Variants in AKR1C3 observed in about 807,000 individuals in gnomAD.
AKR1C3 encodes aldo-keto reductase family 1 member C3.
A neutral mutation model predicts 43.6 loss-of-function variants in AKR1C3; 48 were observed. The observed-to-expected ratio is 1.10, with a 90% CI of 0.87 to 1.40. AKR1C3 has a LOEUF of 1.40. Among genes scored for constraint, AKR1C3 ranks in the 40% most tolerant of loss-of-function variants. The pLI is 0.00. For synonymous variants in AKR1C3, 162 were observed against 139.6 expected, an observed-to-expected ratio of 1.16 and a Z score of -1.13; for missense variants, 482 against 391.2, an observed-to-expected ratio of 1.23 and a Z score of -1.96.
rs1330250578 is a variant in AKR1C3, at chr10:5,102,703, T to TG, written c.846+54dup. On this transcript the variant is annotated intron_variant, in intron 7 of 8. Transcript: ENST00000380554. ...TCTCCTGCACAGTGTCCTTCACACGTGTGCTTCTTGTAAGGCTCTCAGGAC... is the reference window on the plus strand; with the variant it reads ...TCTCCTGCACAGTGTCCTTCACACGTGGTGCTTCTTGTAAGGCTCTCAGGAC... 2.1e-6 allele frequency: 3 copies of TG among 1,452,176 alleles called. No homozygotes were observed. In the African/African-American group the frequency reaches 4.3e-5, roughly 21 times the overall value. The allele number at this position is 1,452,176 out of a possible 1,614,324, so 90.0% of individuals were successfully genotyped here.
rs1838730627 is a variant in AKR1C3 at position 5,077,061 on chromosome 10, C to G, written c.85-19349C>G. ...GAACTTGAATTGTTCATTGAAATCTCTAGCCATTTCCCTGGTTAAACAGGA... is the reference window on the plus strand; with the variant it reads ...GAACTTGAATTGTTCATTGAAATCTGTAGCCATTTCCCTGGTTAAACAGGA... On this transcript the variant is annotated intron_variant, in intron 1 of 8. Coordinates refer to the AKR1C3 transcript ENST00000439082. Among the ~76,000 whole-genome samples, 4 of 152,118 alleles carry G rather than the reference C, an allele frequency of 2.6e-5. No individual in the cohort carries two copies. The South Asian group carries it at 8.3e-4, about 31-fold the overall frequency.
intron 7 of AKR1C3, among the ~76,000 whole-genome samples, chr10:5,104,406 G>C (rs1341847276): frequency 7.2e-6 from 1 of 138,742 alleles, no homozygotes; most frequent in Non-Finnish European, 1.6e-5. Flanking sequence ...TACCATAAAT[G>C]AAACATTCAT....
chr10:5,097,403 C>CA, intron 2 of AKR1C3, 31 bp from the exon 3 acceptor site: 1 of 1,606,996 alleles, frequency 6.2e-7, no homozygotes, highest in South Asian at 1.1e-5. Context: ...AGCATTCATT[C>CA]AAAATCACCT....
chr10:5,101,368 A>T (rs1381978491), intron 5 of AKR1C3, among the ~76,000 whole-genome samples: 4 of 152,122 alleles, frequency 2.6e-5, no homozygotes, highest in African/African-American at 9.7e-5. Context: ...AATCATTTTC[A>T]ATTTTAAAAC....
intron 1 of AKR1C3, among the ~76,000 whole-genome samples, chr10:5,063,940 C>G (rs1367209735): frequency 5.3e-5 from 8 of 151,996 alleles, no homozygotes; most frequent in African/African-American, 1.9e-4. Context: ...AATGTCATTG[C>G]CTCGCCAACT....
chr10:5,049,221 T>C (rs1838101297), intron 1 of AKR1C3, among the ~76,000 whole-genome samples: 1 of 152,296 alleles, frequency 6.6e-6, no homozygotes, highest in South Asian at 2.1e-4. Flanking sequence ...TTGATGGCAA[T>C]AGAAGTGGTT....
At chr10:5,098,763 T>G (rs1334328744) in intron 3 of AKR1C3, 39 bp from the exon 4 acceptor site, 2 of 1,569,642 alleles carry the variant, frequency 1.3e-6, no homozygotes, top group African/African-American at 2.7e-5. Context: ...GTGGAGAAAT[T>G]AATTTGTGAC....
upstream of AKR1C3, among the ~76,000 whole-genome samples, chr10:5,092,396 T>C (rs1839113095): frequency 6.6e-6 from 1 of 151,970 alleles, no homozygotes; most frequent in Non-Finnish European, 1.5e-5. Flanking sequence ...GGCTCCTGCT[T>C]CTCCTTCTCA....
chr10:5,068,093 GATTA>G (rs1196871149), intron 1 of AKR1C3, among the ~76,000 whole-genome samples: 7 of 152,164 alleles, frequency 4.6e-5, no homozygotes, highest in Admixed American at 1.3e-4. Flanking sequence ...CTTGGTATTT[GATTA>G]ATTTTTTTGT....
chr10:5,049,776 C>T (rs1007473517), intron 1 of AKR1C3, among the ~76,000 whole-genome samples: 1 of 152,212 alleles, frequency 6.6e-6, no homozygotes. Context: ...GGAGCTTGCA[C>T]TGTATTCCTT....
At chr10:5,049,688 A>G (rs782731552) in intron 1 of AKR1C3, among the ~76,000 whole-genome samples, 36 of 152,224 alleles carry the variant, frequency 2.4e-4, no homozygotes, top group Non-Finnish European at 4.1e-4. Context: ...GTGATTAGGG[A>G]CTAGATACAT....
intron 4 of AKR1C3, 118 bp downstream of exon 4, chr10:5,098,997 C>T (rs1271893975): frequency 1.1e-6 from 1 of 937,560 alleles, no homozygotes; most frequent in African/African-American, 1.7e-5. Context: ...AGAAACTTTA[C>T]AAGAGTAGCT....
intron 1 of AKR1C3, among the ~76,000 whole-genome samples, chr10:5,051,388 T>G (rs1838151054): frequency 6.6e-6 from 1 of 152,236 alleles, no homozygotes; most frequent in Non-Finnish European, 1.5e-5. Context: ...TGAGCCACTA[T>G]GCCCAGCTGA....
At chr10:5,097,846 T>G in intron 3 of AKR1C3, 1 of 1,160,882 alleles carries the variant, frequency 8.6e-7, no homozygotes, top group Non-Finnish European at 1.1e-6. Context: ...AGTCCATCTC[T>G]TGGGATGTTC....
At chr10:5,102,317 G>A (rs1839376152) in intron 6 of AKR1C3, 107 bp downstream of exon 6, 2 of 1,587,042 alleles carry the variant, frequency 1.3e-6, no homozygotes, top group South Asian at 2.3e-5. Flanking sequence ...CTCATGGAGA[G>A]GAAAGAGAAT....
chr10:5,060,995 C>T (rs1206032203), intron 1 of AKR1C3, among the ~76,000 whole-genome samples: 1 of 152,218 alleles, frequency 6.6e-6, no homozygotes, highest in Admixed American at 6.5e-5. Context: ...AAGCGTGGCG[C>T]ACAGCCCCAG....
chr10:5,092,376 C>T (rs1296530579), upstream of AKR1C3, among the ~76,000 whole-genome samples: 3 of 151,922 alleles, frequency 2.0e-5, no homozygotes, highest in South Asian at 2.1e-4. Flanking sequence ...ATAATCTCTC[C>T]ACCCCCATAG....
upstream of AKR1C3, chr10:5,093,652 T>C (rs560086775): frequency 6.6e-6 from 1 of 152,126 alleles, no homozygotes; most frequent in Non-Finnish European, 1.5e-5. Context: ...TAGTTACTTC[T>C]TGATAGTCTG....
upstream of AKR1C3, among the ~76,000 whole-genome samples, chr10:5,091,895 C>T (rs1370659506): frequency 2.0e-5 from 3 of 152,116 alleles, no homozygotes; most frequent in Admixed American, 6.6e-5. Flanking sequence ...TAAAGGGCTT[C>T]ATACTTCTAT....
Sources: allele counts gnomAD v4.1 joint callset (sites outside exome capture counted in the v4.1 genomes callset), GRCh38; gene constraint gnomAD v4.1.1; transcripts MANE v1.5; gene names NCBI Gene and HGNC (gene_info 2026-07-23, HGNC 2026-07-21).